Variants in ICAM1 observed in about 807,000 individuals in gnomAD.
ICAM1 encodes intercellular adhesion molecule 1.
ICAM1 carries 28 observed loss-of-function variants against 42.3 expected under a neutral mutation model. The ratio of observed to expected loss-of-function variants is 0.66; its 90% CI spans 0.49 to 0.91. The LOEUF is 0.91. Among genes scored for constraint, ICAM1 ranks in the 40% least tolerant of loss-of-function variants. The pLI is 0.00. For synonymous variants in ICAM1, 304 were observed against 305.9 expected (o/e 0.99, Z 0.07); for missense variants, 637 against 688.6 (o/e 0.93, Z 0.84).
chr19:10,273,441 G>A lies in ICAM1; in HGVS notation c.68-1324G>A, dbSNP rs368538125. ...TGGGAGGCGGAGGTTGCGGTGAACT[G>A]AGATCGTGCCATTGCACTCCAGCCT... On this transcript the variant is annotated intron_variant, in intron 1 of 6. Coordinates refer to ENST00000264832, the MANE Select transcript of ICAM1 (RefSeq NM_000201.3). Among the ~76,000 whole-genome samples, 4 of 151,668 alleles carry A rather than the reference G, an allele frequency of 2.6e-5. No homozygotes were observed. The East Asian group carries it at 7.8e-4, about 29-fold the overall frequency.
chr19:10,274,972 G>T lies in ICAM1; in HGVS notation c.275G>T (p.Cys92Phe). ...SNVQEDSQPM[C>F]YSNCPDGQST... ...GTGCAAGAAGATAGCCAACCAATGT[G>T]CTATTCAAACTGCCCTGATGGGCAG... Residue 92 changes from cysteine to phenylalanine, a missense_variant, in exon 2 of 7, where the codon TGC (cysteine) becomes TTC (phenylalanine). Cys to Phe is a radical substitution (Grantham distance 205). Transcript: ENST00000264832. 6.2e-7 allele frequency: 1 copy of T among 1,614,212 alleles called. No homozygotes were observed. The highest frequency in any genetic ancestry group is 8.5e-7 in the Non-Finnish European group (1 of 1,180,038).
chr19:10,280,621 G>T lies in ICAM1; in HGVS notation c.332-2860G>T, dbSNP rs572450919. Among the ~76,000 whole-genome samples the T allele has an allele frequency of 3.3e-5, 5 of 151,908 alleles. No individual in the cohort carries two copies. The East Asian group carries it at 9.7e-4, about 29-fold the overall frequency. On this transcript the variant is annotated intron_variant, in intron 2 of 6. Coordinates refer to ENST00000264832, the MANE Select transcript of ICAM1 (RefSeq NM_000201.3). ...TTTCGCTCTTATTGCCCAGGCTGAA[G>T]TGCAATGGCAGGATCTTAGCTCACC...
At chr19:10,278,556 T>TTTTTTG in intron 2 of ICAM1, among the ~76,000 whole-genome samples, 1 of 89,262 alleles carries the variant, frequency 1.1e-5, no homozygotes, top group Non-Finnish European at 2.4e-5. Context: ...GTCTTTTTTT[T>TTTTTTG]TTTTTTTTTT....
chr19:10,285,035 G>A lies in ICAM1; in HGVS notation c.1426+7G>A. The stretch of plus-strand genomic sequence containing the variant: ...GTGACCGTGAATGTGCTCTGTGAGT[G>A]AGCCGGCGGGCAGAGCTGGGTGGGG... On this transcript the variant is annotated splice_region_variant and intron_variant, in intron 6 of 6. Transcript: ENST00000264832. 6.2e-7 allele frequency: 1 copy of A among 1,613,582 alleles called. No homozygotes were observed.
Position 10,284,450 on chromosome 19 carries a change from G to C in ICAM1, c.973G>C (p.Gly325Arg). Residue 325 changes from glycine (G) to arginine (R), a missense_variant, in exon 5 of 7, where the codon GGG becomes CGG. By Grantham distance (125) the Gly-to-Arg change is moderately radical. Coordinates refer to ENST00000264832, the MANE Select transcript of ICAM1 (RefSeq NM_000201.3). This position sits in a 1 kb window ranked among gnomAD's most constrained non-coding sequence, Gnocchi z 5.4. ...TCTGACGAAGCCAGAGGTCTCAGAA[G>C]GGACCGAGGTGACAGTGAAGTGTGA... ...VILTKPEVSE[G>R]TEVTVKCEAH... 6.2e-7 allele frequency: 1 copy of C among 1,613,966 alleles called. No homozygotes were observed. The highest frequency in any genetic ancestry group is 8.5e-7 in the Non-Finnish European group (1 of 1,180,026).
Position 10,284,360 on chromosome 19 carries a change from G to T in ICAM1, c.925+40G>T. ...GGGCGGAGTGGGGCTTCTTGGGGGTGTGACCTGAACCCGGGGCGGGGCTCA... is the reference window on the plus strand; with the variant it reads ...GGGCGGAGTGGGGCTTCTTGGGGGTTTGACCTGAACCCGGGGCGGGGCTCA... On this transcript the variant is annotated intron_variant, in intron 4 of 6. Coordinates refer to ENST00000264832, the MANE Select transcript of ICAM1 (RefSeq NM_000201.3). The surrounding 1 kb of genome is among the most constrained non-coding windows in gnomAD (Gnocchi z 5.4). 6.2e-7 allele frequency: 1 copy of T among 1,611,882 alleles called. No homozygotes were observed. The highest frequency in any genetic ancestry group is 8.5e-7 in the Non-Finnish European group (1 of 1,179,576).
chr19:10,280,715 A>G (rs2040049772), intron 2 of ICAM1, among the ~76,000 whole-genome samples: 1 of 151,844 alleles, frequency 6.6e-6, no homozygotes, highest in Non-Finnish European at 1.5e-5. Context: ...GATTACAGGC[A>G]TGCGACACCA....
In ICAM1 at chr19:10,271,169, A is replaced by G. The variant is rs779984305; in HGVS notation, c.10A>G (p.Ser4Gly). ...CAACCTCAGCCTCGCTATGGCTCCCAGCAGCCCCCGGCCCGCGCTGCCCGC... is the reference window on the plus strand; with the variant it reads ...CAACCTCAGCCTCGCTATGGCTCCCGGCAGCCCCCGGCCCGCGCTGCCCGC... MAP[S>G]SPRPALPALL... The change falls in exon 1 of 7, where the codon AGC becomes GGC. Residue 4 changes from serine to glycine, a missense_variant. Coordinates refer to ENST00000264832, the MANE Select transcript of ICAM1 (RefSeq NM_000201.3). 2 of 1,612,618 alleles carry G rather than the reference A, an allele frequency of 1.2e-6. No individual in the cohort carries two copies. The highest frequency in any genetic ancestry group is 2.2e-5 in the South Asian group (2 of 90,956).
At chr19:10,274,610 C>T (rs755421356) in intron 1 of ICAM1, among the ~76,000 whole-genome samples, 155 bp from the exon 2 acceptor site, 16 of 152,196 alleles carry the variant, frequency 1.1e-4, no homozygotes, top group South Asian at 2.1e-4. Flanking sequence ...CCACCACACC[C>T]GGCCTGCTCA....
intron 2 of ICAM1, among the ~76,000 whole-genome samples, chr19:10,281,844 C>T (rs532073448): frequency 6.6e-6 from 1 of 151,152 alleles, no homozygotes; most frequent in South Asian, 2.1e-4. Flanking sequence ...ATCCTTTCCT[C>T]ACAAGTAAAC....
At chr19:10,283,320 C>G in intron 2 of ICAM1, 161 bp from the exon 3 acceptor site, 1 of 651,892 alleles carries the variant, frequency 1.5e-6, no homozygotes, top group Non-Finnish European at 2.6e-6. Flanking sequence ...GGCCCTCTTA[C>G]CAGTTTTCAC....
intron 2 of ICAM1, among the ~76,000 whole-genome samples, chr19:10,275,446 C>T (rs1009887860): frequency 1.3e-5 from 2 of 151,950 alleles, no homozygotes; most frequent in South Asian, 2.1e-4. Flanking sequence ...CAGTGAGCCG[C>T]GATCGTGCCA....
intron 1 of ICAM1, among the ~76,000 whole-genome samples, chr19:10,272,556 TTTTC>T (rs201010108): frequency 0.21 from 23,963 of 116,344 alleles, 2,948 homozygotes; most frequent in Non-Finnish European, 0.28. Context: ...CTTTCTTTTC[TTTTC>T]TTTTTTTTTT....
intron 2 of ICAM1, among the ~76,000 whole-genome samples, chr19:10,275,713 T>C (rs1325089305): frequency 6.8e-6 from 1 of 146,374 alleles, no homozygotes; most frequent in Non-Finnish European, 1.5e-5. Flanking sequence ...TTCTTTTTTT[T>C]TTTTTTTTTT....
chr19:10,276,054 C>T (rs1477113831), intron 2 of ICAM1, among the ~76,000 whole-genome samples: 1 of 151,642 alleles, frequency 6.6e-6, no homozygotes, highest in African/African-American at 2.4e-5. Context: ...TTTAGCTGGG[C>T]ATCGTGGTGT....
At chr19:10,281,402 G>A (rs896876410) in intron 2 of ICAM1, among the ~76,000 whole-genome samples, 1 of 151,282 alleles carries the variant, frequency 6.6e-6, no homozygotes, top group Admixed American at 6.6e-5. Flanking sequence ...GATTACAGAT[G>A]TGAGCCACCA....
Position 10,283,291 on chromosome 19 carries a change from C to G in ICAM1, c.332-190C>G, listed in dbSNP as rs1448214373. 6 of 540,734 alleles carry G rather than the reference C, an allele frequency of 1.1e-5. No individual in the cohort carries two copies. In the South Asian group the frequency reaches 1.9e-4, roughly 17 times the overall value. 33.5% of individuals were successfully genotyped at this position (540,734 alleles called of 1,614,324 possible). A position where few individuals can be genotyped will look rare whatever the true frequency, so the allele number is the denominator to read the frequency against. On this transcript the variant is annotated intron_variant, in intron 2 of 6. Coordinates refer to ENST00000264832, the MANE Select transcript of ICAM1 (RefSeq NM_000201.3). ...TGTCATGAATAAGGAATATTTTGAT[C>G]CCCTTCACAAACACTCGGGGCCCTC...
rs754913780 is a variant in ICAM1, at chr19:10,271,171, C to T, written c.12C>T (p.Ser4=). The T allele has an allele frequency of 1.9e-6, 3 of 1,612,880 alleles. No individual in the cohort carries two copies. Among genetic ancestry groups the T allele is most frequent in the African/African-American group, 1.3e-5 (1 of 74,928 alleles). The change falls in exon 1 of 7, where the codon AGC becomes AGT. Residue 4 remains serine (S), a synonymous_variant. Coordinates refer to ENST00000264832, the MANE Select transcript of ICAM1 (RefSeq NM_000201.3). ...ACCTCAGCCTCGCTATGGCTCCCAG[C>T]AGCCCCCGGCCCGCGCTGCCCGCAC... The part of the protein sequence containing the change: MAP[S]SPRPALPALL...
chr19:10,283,862 CT>C, intron 3 of ICAM1, 76 bp downstream of exon 3: 1 of 1,477,902 alleles, frequency 6.8e-7, no homozygotes, highest in Non-Finnish European at 9.1e-7. Flanking sequence ...GCCACAGGAT[CT>C]TTTGAGATGG....
Sources: gnomAD v4.1 joint callset for allele counts (sites outside exome capture counted in the v4.1 genomes callset) on GRCh38, gnomAD v4.1.1 for gene constraint, Gnocchi (gnomAD v3.1) non-coding constraint, MANE v1.5 for transcripts, NCBI Gene and HGNC (gene_info 2026-07-23, HGNC 2026-07-21) for gene names.